WDPCP: variants seen among roughly 807,000 people sequenced by gnomAD.
The protein encoded by WDPCP is WD repeat containing planar cell polarity effector.
A neutral mutation model predicts 93.1 loss-of-function variants in WDPCP; 71 were observed. The observed-to-expected ratio is 0.76, with a 90% CI of 0.63 to 0.93. WDPCP has a LOEUF of 0.93. WDPCP is among the 40% of genes least tolerant of loss of function. WDPCP has a pLI of 0.00. For missense variants in WDPCP, 844 were observed against 887.4 expected (o/e 0.95, Z 0.62); for synonymous variants, 315 against 315.0 (o/e 1.00, Z 0.00).
chr2:63,172,264 G>T (rs894317214), intron 15 of WDPCP, among the ~76,000 whole-genome samples: 1 of 152,206 alleles, frequency 6.6e-6, no homozygotes, highest in Non-Finnish European at 1.5e-5. Flanking sequence ...CCAGCACTTT[G>T]AAAGGCCGAG....
intron 14 of WDPCP, among the ~76,000 whole-genome samples, chr2:63,207,335 T>C (rs1676417439): frequency 6.6e-6 from 1 of 152,106 alleles, no homozygotes; most frequent in Non-Finnish European, 1.5e-5. Flanking sequence ...CCCTTCACTC[T>C]CTTTCTCCCT....
chr2:63,688,344 G>A (rs1449665764), intron 2 of WDPCP, among the ~76,000 whole-genome samples: 2 of 151,806 alleles, frequency 1.3e-5, no homozygotes, highest in African/African-American at 4.8e-5. Context: ...GGAAAATGGC[G>A]TGAACCTGGG....
At chr2:63,434,401 G>A (rs1323582090) in intron 8 of WDPCP, among the ~76,000 whole-genome samples, 2 of 152,162 alleles carry the variant, frequency 1.3e-5, no homozygotes, top group Non-Finnish European at 2.9e-5. Context: ...AAGAATATAT[G>A]CGACGTATAC....
chr2:63,448,550 A>G (rs1698017729), intron 6 of WDPCP, among the ~76,000 whole-genome samples: 1 of 152,134 alleles, frequency 6.6e-6, no homozygotes. Context: ...GAAATCTCTT[A>G]GAGTGAGTAC....
intron 1 of WDPCP, among the ~76,000 whole-genome samples, chr2:63,582,112 C>T (rs1358005758): frequency 6.6e-6 from 1 of 151,082 alleles, no homozygotes; most frequent in Non-Finnish European, 1.5e-5. Flanking sequence ...TAACTAAAAC[C>T]AACCCAGGAC....
chr2:63,657,168 A>C (rs1186714887), intron 2 of WDPCP, among the ~76,000 whole-genome samples: 1 of 137,866 alleles, frequency 7.3e-6, no homozygotes, highest in African/African-American at 2.8e-5. Flanking sequence ...ATTATTGGGG[A>C]GGGTTTTGCG....
chr2:63,184,106 C>CA (rs2104126554), intron 14 of WDPCP, among the ~76,000 whole-genome samples: 1 of 152,080 alleles, frequency 6.6e-6, no homozygotes, highest in African/African-American at 2.4e-5. Context: ...TTAAATTAAG[C>CA]ATTTTATCTA....
At chr2:63,600,588 C>G (rs1356746934) in intron 3 of WDPCP, among the ~76,000 whole-genome samples, 1 of 152,170 alleles carries the variant, frequency 6.6e-6, no homozygotes, top group Non-Finnish European at 1.5e-5. Flanking sequence ...AGCATGGTGC[C>G]TGCACATAGT....
intron 2 of WDPCP, among the ~76,000 whole-genome samples, chr2:63,809,860 A>G (rs973798298): frequency 6.6e-6 from 1 of 152,126 alleles, no homozygotes; most frequent in African/African-American, 2.4e-5. Flanking sequence ...CTGTTGTCGT[A>G]TGACCCTGCC....
intron 14 of WDPCP, among the ~76,000 whole-genome samples, chr2:63,240,567 T>C (rs1036057720): frequency 2.0e-5 from 3 of 152,216 alleles, no homozygotes; most frequent in African/African-American, 7.2e-5. Context: ...AAGATATTTT[T>C]GTTATACTCC....
chr2:63,473,873 C>T lies in WDPCP; in HGVS notation c.384+10731G>A, dbSNP rs141135688. ...TATTTGAATATTTTTTCTATAATTA[C>T]GTTTTGCTGAAAAACAGTATGATAT... is the stretch of plus-strand genomic sequence containing the variant. On this transcript the variant is annotated intron_variant, in intron 6 of 17. Coordinates refer to ENST00000272321, the MANE Select transcript of WDPCP (RefSeq NM_015910.7). Among the ~76,000 whole-genome samples, 700 of 152,150 alleles carry T rather than the reference C, an allele frequency of 4.6e-3. 18 individuals are homozygous for T. The highest frequency in any genetic ancestry group is 0.014 in the East Asian group (74 of 5,190).
At chr2:63,422,009 C>T (rs148338820) in intron 9 of WDPCP, among the ~76,000 whole-genome samples, 124 of 152,244 alleles carry the variant, frequency 8.1e-4, no homozygotes, top group African/African-American at 2.6e-3. Flanking sequence ...GGACTCATTA[C>T]GAATATGTAT....
intron 10 of WDPCP, among the ~76,000 whole-genome samples, chr2:63,393,130 C>G (rs548945304): frequency 1.1e-4 from 16 of 152,300 alleles, no homozygotes; most frequent in African/African-American, 3.8e-4. Context: ...AGATTTGGAA[C>G]CAACCCAATG....
chr2:63,458,443 C>G (rs1698787633), intron 6 of WDPCP, among the ~76,000 whole-genome samples: 1 of 151,844 alleles, frequency 6.6e-6, no homozygotes, highest in African/African-American at 2.4e-5. Flanking sequence ...CAGTATACAA[C>G]AATAATGAAC....
At chr2:63,397,825 G>C (rs1025339734) in intron 10 of WDPCP, among the ~76,000 whole-genome samples, 3 of 152,190 alleles carry the variant, frequency 2.0e-5, no homozygotes, top group African/African-American at 7.2e-5. Context: ...AAGAAGCAGA[G>C]AAAAGGCAAT....
chr2:63,433,926 T>A lies in WDPCP; in HGVS notation c.644A>T (p.Tyr215Phe). Residue 215 changes from tyrosine to phenylalanine, a missense_variant, in exon 9 of 18, where the codon TAT becomes TTT. Transcript: ENST00000272321. ...CTTGTTTATTGGGCCGGGTATTTCA[T>A]AATAGAAAATCTAACAATTTTAAAA... ...LSALDYKIFYYEIPGPINKTT... is the reference protein window; with the variant it reads ...LSALDYKIFYFEIPGPINKTT... The A allele has an allele frequency of 6.2e-7, 1 of 1,613,760 alleles. No homozygotes were observed. Among genetic ancestry groups the A allele is most frequent in the Non-Finnish European group, 8.5e-7 (1 of 1,179,800 alleles).
At chr2:63,556,834 A>G (rs893916156) in intron 1 of WDPCP, among the ~76,000 whole-genome samples, 2 of 152,222 alleles carry the variant, frequency 1.3e-5, no homozygotes, top group African/African-American at 4.8e-5. Context: ...CAGAAACCCT[A>G]CAAGCCAGAA....
chr2:63,721,726 C>T (rs1257744536), intron 2 of WDPCP, among the ~76,000 whole-genome samples: 9 of 143,692 alleles, frequency 6.3e-5, no homozygotes, highest in Admixed American at 4.2e-4. Flanking sequence ...CCCTCCTCCT[C>T]CCCCTCTCCC....
intron 7 of WDPCP, 90 bp from the exon 8 acceptor site, chr2:63,437,644 T>C: frequency 8.0e-7 from 1 of 1,252,348 alleles, no homozygotes; most frequent in Non-Finnish European, 1.1e-6. Flanking sequence ...TTTTCAAACA[T>C]ACATATTAAC....
Sources: allele counts gnomAD v4.1 joint callset (sites outside exome capture counted in the v4.1 genomes callset), GRCh38; gene constraint gnomAD v4.1.1; transcripts MANE v1.5; gene names NCBI Gene and HGNC (gene_info 2026-07-23, HGNC 2026-07-21).